LY9: variants seen among roughly 807,000 people sequenced by gnomAD.
LY9 encodes the protein T-lymphocyte surface antigen Ly-9.
Under a neutral mutation model 64.6 loss-of-function variants are expected in LY9, and 59 were observed. That is an observed-to-expected ratio of 0.91 (90% CI 0.74 to 1.13). The LOEUF (loss-of-function observed/expected upper bound fraction) is 1.13, where lower values mean the gene tolerates loss of function less well. Ranked by LOEUF, LY9 falls within the 50% of genes most tolerant of loss-of-function variation. The probability of loss-of-function intolerance (pLI) is 0.00; values close to 1 mark genes in which losing one functional copy is unlikely to be tolerated. For missense variants in LY9, 789 were observed against 797.2 expected, an observed-to-expected ratio of 0.99 and a Z score of 0.12; for synonymous variants, 281 against 308.5, an observed-to-expected ratio of 0.91 and a Z score of 0.93.
chr1:160,824,704 G>A (rs1437212230), intron 9 of LY9: 7 of 974,240 alleles, frequency 7.2e-6, no homozygotes, highest in Non-Finnish European at 8.5e-6. Flanking sequence ...TCCCAGCCGG[G>A]CGCGGTGGCT....
intron 2 of LY9, among the ~76,000 whole-genome samples, chr1:160,800,517 A>G (rs1666353534): frequency 1.3e-5 from 2 of 152,354 alleles, no homozygotes; most frequent in South Asian, 2.1e-4. Flanking sequence ...CATTGCTGCA[A>G]AAGACATGAT....
chr1:160,803,473 A>G (rs1444952109), intron 2 of LY9, among the ~76,000 whole-genome samples: 2 of 152,014 alleles, frequency 1.3e-5, no homozygotes, highest in Non-Finnish European at 2.9e-5. Context: ...TTTTTTCATC[A>G]GTGTTTTGTA....
chr1:160,796,245 CCA>C lies in LY9; in HGVS notation c.61_62del (p.Gln21GlufsTer55). The C allele has an allele frequency of 6.2e-7, 1 of 1,614,050 alleles. No individual in the cohort carries two copies. On this transcript the variant is annotated frameshift_variant, in exon 1 of 10. Coordinates refer to ENST00000263285, the MANE Select transcript of LY9 (RefSeq NM_002348.4). LOFTEE classifies it high-confidence loss of function. ...GGCTCCTGGGCCTTTCTCCAGTAAGCCACAGAGGAGTCAGCTGCAAATATTCT... is the reference window on the plus strand; with the variant it reads ...GGCTCCTGGGCCTTTCTCCAGTAAGCCAGAGGAGTCAGCTGCAAATATTCT... ...DWAPGPFSSKPQRSQLQIFSS... is the reference protein window; with the variant it reads ...DWAPGPFSSKXQRSQLQIFSS...
In LY9 at chr1:160,813,953, A is replaced by C. The variant is rs879124234; in HGVS notation, c.730+42A>C. On this transcript the variant is annotated intron_variant, in intron 3 of 9. Coordinates refer to ENST00000263285, the MANE Select transcript of LY9 (RefSeq NM_002348.4). ...TGGCCCTTGAGGGAATTCCAGAAAC[A>C]ATATGAGCAGCTGTGGAGTCTAAAC... 6.9e-6 allele frequency: 11 copies of C among 1,588,648 alleles called. 1 individual carries two copies. In the South Asian group the frequency reaches 1.0e-4, roughly 15 times the overall value.
chr1:160,817,027 T>A (rs967338580), intron 5 of LY9, among the ~76,000 whole-genome samples, 164 bp downstream of exon 5: 6 of 152,232 alleles, frequency 3.9e-5, no homozygotes, highest in Admixed American at 3.9e-4. Context: ...GATTTTAATG[T>A]TCTAATAGCC....
chr1:160,796,344 A>G, intron 1 of LY9, 33 bp downstream of exon 1: 2 of 1,597,960 alleles, frequency 1.3e-6, no homozygotes, highest in Non-Finnish European at 8.5e-7. Context: ...ACTTCTTGCT[A>G]CTGCGGTTCT....
chr1:160,802,083 C>T, intron 2 of LY9: 1 of 1,386,326 alleles, frequency 7.2e-7, no homozygotes, highest in Non-Finnish European at 9.3e-7. Flanking sequence ...CCCGCCGCCT[C>T]CCATGGCACG....
chr1:160,806,157 A>G (rs1666975124), intron 2 of LY9, among the ~76,000 whole-genome samples: 1 of 151,974 alleles, frequency 6.6e-6, no homozygotes, highest in African/African-American at 2.4e-5. Context: ...GGATAATTTA[A>G]TCCATTTACA....
intron 2 of LY9, chr1:160,811,580 G>A (rs1342888523): frequency 6.6e-6 from 1 of 152,126 alleles, no homozygotes; most frequent in Admixed American, 6.5e-5. Context: ...AATCTCCACA[G>A]CTAAGTACCC....
At chr1:160,822,338 G>A (rs1668534615) in intron 7 of LY9, among the ~76,000 whole-genome samples, 2 of 152,256 alleles carry the variant, frequency 1.3e-5, no homozygotes, top group South Asian at 4.1e-4. Flanking sequence ...AGATTGGTTC[G>A]ATAAGGCATG....
intron 5 of LY9, among the ~76,000 whole-genome samples, chr1:160,817,176 C>T (rs1381151669): frequency 1.3e-5 from 2 of 152,124 alleles, no homozygotes; most frequent in African/African-American, 4.8e-5. Flanking sequence ...TGTACTAAGT[C>T]TTTGAGAGCC....
Position 160,823,706 on chromosome 1 carries a change from A to G in LY9, c.1740A>G (p.Gln580=). 1 of 1,614,226 alleles carries G rather than the reference A, an allele frequency of 6.2e-7. No individual in the cohort carries two copies. The highest frequency in any genetic ancestry group is 1.1e-5 in the South Asian group (1 of 91,082). The part of the protein sequence containing the change: ...GAGHDPAPEG[Q]ADYDPVTPYV... ...GACATGACCCAGCCCCTGAGGGCCA[A>G]GCAGACTATGATCCCGTCACTCCAT... The change falls in exon 8 of 10, where the codon CAA becomes CAG. Residue 580 remains glutamine, a synonymous_variant. Coordinates refer to ENST00000263285, the MANE Select transcript of LY9 (RefSeq NM_002348.4).
At chr1:160,819,267 A>T (rs1571042971) in intron 6 of LY9, 54 bp from the exon 7 acceptor site, 3 of 1,335,056 alleles carry the variant, frequency 2.2e-6, no homozygotes, top group South Asian at 2.3e-5. Context: ...AGAATAAAAG[A>T]CACCTCTCAC....
chr1:160,808,480 C>T (rs779331726), intron 2 of LY9, among the ~76,000 whole-genome samples: 9 of 152,138 alleles, frequency 5.9e-5, no homozygotes, highest in Non-Finnish European at 1.3e-4. Context: ...CCCACAGTCT[C>T]CCAGCAGCTC....
chr1:160,798,252 T>C (rs1666087277), intron 1 of LY9, among the ~76,000 whole-genome samples: 1 of 152,100 alleles, frequency 6.6e-6, no homozygotes, highest in Non-Finnish European at 1.5e-5. Flanking sequence ...GCTCCTGGGC[T>C]TCCAGGATAC....
intron 3 of LY9, 73 bp downstream of exon 3, chr1:160,813,984 G>A: frequency 1.3e-6 from 2 of 1,491,382 alleles, no homozygotes; most frequent in East Asian, 2.3e-5. Context: ...TAAACCCTAG[G>A]ATCCTGGTCA....
At position 160,806,210 on chromosome 1, in the gene LY9, G is replaced by A. The variant is rs144372144; in HGVS notation, c.454+6128G>A. Among the ~76,000 whole-genome samples, 410 of 152,012 alleles carry A rather than the reference G, an allele frequency of 2.7e-3. 4 individuals are homozygous for A. The highest frequency in any genetic ancestry group is 0.016 in the South Asian group (77 of 4,812). On this transcript the variant is annotated intron_variant, in intron 2 of 9. Coordinates refer to ENST00000263285, the MANE Select transcript of LY9 (RefSeq NM_002348.4). Reference sequence around the variant, plus strand: ...TATGTGAAGCTTTTTCCTGTATACTGTTAATTATTTTCTGGTTGTCTCATA... The same window carrying A: ...TATGTGAAGCTTTTTCCTGTATACTATTAATTATTTTCTGGTTGTCTCATA...
At position 160,813,684 on chromosome 1, in the gene LY9, A is replaced by G. The variant is rs1667703556; in HGVS notation, c.503A>G (p.Glu168Gly). ...QVTMKSVKVS[E>G]NFSCNITLMC... is the part of the protein sequence containing the mutation. ...ACCATGAAGTCTGTGAAGGTGTCTGAGAACTTCTCCTGTAACATCACTCTA... is the reference window on the plus strand; with the variant it reads ...ACCATGAAGTCTGTGAAGGTGTCTGGGAACTTCTCCTGTAACATCACTCTA... Residue 168 changes from glutamate to glycine, a missense_variant, in exon 3 of 10, where the codon GAG becomes GGG. Physicochemically the swap from Glu to Gly is moderately conservative, Grantham distance 98. Transcript: ENST00000263285. 18 of 1,613,986 alleles carry G rather than the reference A, an allele frequency of 1.1e-5. No homozygotes were observed. The highest frequency in any genetic ancestry group is 1.4e-5 in the Non-Finnish European group (17 of 1,180,040).
At chr1:160,801,921 C>G (rs1477421823) in intron 2 of LY9, 2 of 1,611,894 alleles carry the variant, frequency 1.2e-6, no homozygotes, top group East Asian at 4.5e-5. Context: ...GGGCTAGGCC[C>G]TCGCCCCCAC....
Sources: allele counts gnomAD v4.1 joint callset (sites outside exome capture counted in the v4.1 genomes callset), GRCh38; gene constraint gnomAD v4.1.1; transcripts MANE v1.5; gene names NCBI Gene and HGNC (gene_info 2026-07-23, HGNC 2026-07-21).